Variants in LRIG1 observed in about 807,000 individuals in gnomAD.
LRIG1 encodes leucine rich repeats and immunoglobulin like domains 1.
A neutral mutation model predicts 99.2 loss-of-function variants in LRIG1; 48 were observed. The ratio of observed to expected loss-of-function variants is 0.48; its 90% CI spans 0.38 to 0.62. The LOEUF (loss-of-function observed/expected upper bound fraction) is 0.62, where lower values mean the gene tolerates loss of function less well. Ranked by LOEUF, LRIG1 falls within the 20% of genes least tolerant of loss-of-function variation. The pLI is 0.00. For missense variants in LRIG1, 1,646 were observed against 1,434.4 expected (o/e 1.15, Z -2.38); for synonymous variants, 772 against 596.1 (o/e 1.29, Z -4.30).
At chr3:66,500,119 G>T in intron 1 of LRIG1, 71 bp downstream of exon 1, 1 of 1,264,548 alleles carries the variant, frequency 7.9e-7, no homozygotes, top group South Asian at 1.4e-5. Flanking sequence ...CCCTGAGTAC[G>T]AACCCCCGCC....
Position 66,383,970 on chromosome 3 carries a change from ACAG to A in LRIG1, c.2071+18_2071+20del. ...CGCTCACACACACACACACACACAC[ACAG>A]TAGAGCAATAGGCAAACCTAGGACA... is the stretch of plus-strand genomic sequence containing the variant. On this transcript the variant is annotated intron_variant, in intron 14 of 18. Coordinates refer to ENST00000273261, the MANE Select transcript of LRIG1 (RefSeq NM_015541.3). 5 of 1,608,216 alleles carry A rather than the reference ACAG, an allele frequency of 3.1e-6. No homozygotes were observed. Among genetic ancestry groups the A allele is most frequent in the Non-Finnish European group, 4.3e-6 (5 of 1,175,562 alleles).
chr3:66,410,904 G>A (rs937339369), intron 6 of LRIG1, among the ~76,000 whole-genome samples: 12 of 152,368 alleles, frequency 7.9e-5, no homozygotes, highest in Middle Eastern at 3.4e-3. Context: ...CCCTGGGTCT[G>A]CCTACCAAAG....
chr3:66,476,170 C>T (rs1332788822), intron 1 of LRIG1, among the ~76,000 whole-genome samples: 1 of 152,168 alleles, frequency 6.6e-6, no homozygotes, highest in Non-Finnish European at 1.5e-5. Flanking sequence ...AGCATGTTTT[C>T]CTCACTCGAA....
chr3:66,493,827 A>AG (rs1247092746), intron 1 of LRIG1, among the ~76,000 whole-genome samples: 113 of 150,092 alleles, frequency 7.5e-4, no homozygotes, highest in African/African-American at 2.7e-3. Flanking sequence ...AAGGAAAGAA[A>AG]GAAAAAAAAG....
At chr3:66,398,296 T>A in intron 10 of LRIG1, 113 bp from the exon 11 acceptor site, 1 of 750,810 alleles carries the variant, frequency 1.3e-6, no homozygotes, top group Non-Finnish European at 2.3e-6. Flanking sequence ...ACCTGTGTCC[T>A]AACTACTATA....
At chr3:66,412,372 G>A (rs1440800095) in intron 6 of LRIG1, among the ~76,000 whole-genome samples, 1 of 152,202 alleles carries the variant, frequency 6.6e-6, no homozygotes, top group African/African-American at 2.4e-5. Flanking sequence ...GAAGAAGCAG[G>A]GGCGGGGGCA....
intron 3 of LRIG1, among the ~76,000 whole-genome samples, chr3:66,424,188 G>A (rs898753181): frequency 6.6e-6 from 1 of 152,026 alleles, no homozygotes; most frequent in Non-Finnish European, 1.5e-5. Flanking sequence ...CAGGATTCAG[G>A]GTGGCTAGAC....
At chr3:66,454,901 A>T (rs1339436004) in intron 2 of LRIG1, among the ~76,000 whole-genome samples, 2 of 152,180 alleles carry the variant, frequency 1.3e-5, no homozygotes, top group African/African-American at 2.4e-5. Flanking sequence ...CATCAATCTT[A>T]ATCAAATTTG....
At chr3:66,438,541 G>A (rs1387874062) in intron 3 of LRIG1, among the ~76,000 whole-genome samples, 1 of 152,112 alleles carries the variant, frequency 6.6e-6, no homozygotes, top group Admixed American at 6.5e-5. Context: ...TCAGAGTAGG[G>A]ACCACAAGCC....
chr3:66,387,090 G>A (rs767018774), intron 12 of LRIG1: 1 of 147,764 alleles, frequency 6.8e-6, no homozygotes, highest in Non-Finnish European at 1.5e-5. Flanking sequence ...TGCCGAGCAG[G>A]AGAAGCCCTA....
intron 2 of LRIG1, among the ~76,000 whole-genome samples, chr3:66,459,308 C>G (rs1007413480): frequency 3.9e-5 from 6 of 152,196 alleles, no homozygotes; most frequent in African/African-American, 4.8e-5. Flanking sequence ...ACAACAGGAA[C>G]AGGGAGTTAG....
intron 5 of LRIG1, 106 bp from the exon 6 acceptor site, chr3:66,413,120 A>G (rs1702522060): frequency 7.6e-7 from 1 of 1,314,022 alleles, no homozygotes; most frequent in Non-Finnish European, 1.1e-6. Context: ...GAGAAATCCC[A>G]GTGCAGGGAT....
chr3:66,500,306 C>CGCG lies in LRIG1; in HGVS notation c.99_101dup (p.Ala35dup), dbSNP rs1701328448. The CGCG allele has an allele frequency of 6.8e-7, 1 of 1,475,268 alleles. No homozygotes were observed. Among genetic ancestry groups the CGCG allele is most frequent in the African/African-American group, 1.4e-5 (1 of 69,112 alleles). 91.4% of individuals were successfully genotyped at this position (1,475,268 alleles called of 1,614,324 possible). ...CCGCGCAGGGCGCCCGCGGGCCGGC[C>CGCG]GCGGCGGTCACCGGCTCCAGCCGAA... is the stretch of plus-strand genomic sequence containing the variant. On this transcript the variant is annotated inframe_insertion, in exon 1 of 19. Coordinates refer to ENST00000273261, the MANE Select transcript of LRIG1 (RefSeq NM_015541.3).
intron 15 of LRIG1, 60 bp from the exon 16 acceptor site, chr3:66,382,458 C>T (rs934729808): frequency 1.2e-5 from 19 of 1,596,374 alleles, no homozygotes; most frequent in East Asian, 8.9e-5. Flanking sequence ...TGCAGACACA[C>T]GTTCACTGTC....
chr3:66,404,255 C>G, intron 9 of LRIG1: 4 of 1,289,304 alleles, frequency 3.1e-6, no homozygotes, highest in African/African-American at 3.0e-5. Context: ...CCTCTATCAT[C>G]GAGCTCCACT....
At chr3:66,405,146 C>A in intron 9 of LRIG1, 52 bp downstream of exon 9, 1 of 1,524,636 alleles carries the variant, frequency 6.6e-7, no homozygotes, top group Non-Finnish European at 9.1e-7. Context: ...CATCTCCCAC[C>A]CAAGTGTGTC....
chr3:66,469,949 C>T (rs1307145420), intron 1 of LRIG1, among the ~76,000 whole-genome samples: 2 of 150,664 alleles, frequency 1.3e-5, no homozygotes, highest in Non-Finnish European at 2.9e-5. Context: ...AATAACACAG[C>T]CAAAGGCTCT....
chr3:66,380,454 G>T lies in LRIG1; in HGVS notation c.3091C>A (p.Pro1031Thr). 1 of 1,614,126 alleles carries T rather than the reference G, an allele frequency of 6.2e-7. No individual in the cohort carries two copies. The highest frequency in any genetic ancestry group is 8.5e-7 in the Non-Finnish European group (1 of 1,180,022). Residue 1031 changes from proline (P) to threonine (T), a missense_variant, in exon 19 of 19, where the codon CCG becomes ACG. Pro to Thr is a conservative substitution (Grantham distance 38, BLOSUM62 -1). Transcript: ENST00000273261. Reference protein sequence around the residue: ...SSWTLARLYHPDSTELQPASS... With the variant: ...SSWTLARLYHTDSTELQPASS... The stretch of plus-strand genomic sequence containing the variant: ...GCAGGCTGTAGCTCTGTGGAGTCCG[G>T]GTGATACAACCTTGCTAAAGTCCAG...
At chr3:66,390,792 T>A (rs1701587129) in intron 12 of LRIG1, among the ~76,000 whole-genome samples, 1 of 152,068 alleles carries the variant, frequency 6.6e-6, no homozygotes, top group Non-Finnish European at 1.5e-5. Context: ...AAAGCATACG[T>A]AATAAAAGAA....
Sources: gnomAD v4.1 joint callset for allele counts (sites outside exome capture counted in the v4.1 genomes callset) on GRCh38, gnomAD v4.1.1 for gene constraint, MANE v1.5 for transcripts, NCBI Gene and HGNC (gene_info 2026-07-23, HGNC 2026-07-21) for gene names.